Variants in ZGLP1 observed in about 807,000 individuals in gnomAD.
The protein encoded by ZGLP1 is zinc finger GATA like protein 1.
A neutral mutation model predicts 21.4 loss-of-function variants in ZGLP1; 11 were observed. The ratio of observed to expected loss-of-function variants is 0.51; its 90% confidence interval spans 0.32 to 0.85. The LOEUF (loss-of-function observed/expected upper bound fraction) is 0.85, where lower values mean the gene tolerates loss of function less well. ZGLP1 is among the 40% of genes least tolerant of loss of function. The pLI is 0.03. For synonymous variants in ZGLP1, 148 were observed against 145.0 expected (o/e 1.02, Z -0.15); for missense variants, 295 against 355.6 (o/e 0.83, Z 1.37).
exon 1 of ZGLP1, chr19:10,308,447 C>T (rs1226528301): frequency 6.2e-7 from 1 of 1,610,492 alleles, no homozygotes; most frequent in Non-Finnish European, 8.5e-7. Flanking sequence ...CAGCAAGGCC[C>T]CAGGACCGGG....
At chr19:10,308,705 A>G (rs1425399298) in exon 1 of ZGLP1, 1 of 1,472,994 alleles carries the variant, frequency 6.8e-7, no homozygotes, top group East Asian at 2.3e-5. Context: ...TGGAAGGTTT[A>G]AGAGTTGCAG....
In ZGLP1 at chr19:10,305,922, G is replaced by A; in HGVS notation, c.528C>T (p.Ser176=). 6.4e-7 allele frequency: 1 copy of A among 1,564,908 alleles called. No homozygotes were observed. The highest frequency in any genetic ancestry group is 8.7e-7 in the Non-Finnish European group (1 of 1,153,358). ...CAGGGCCCCCAACAGCATCTGCAGG[G>A]GATTCCTGAGAACGGCTACTGCAGG... The change falls in exon 2 of 4, where the codon TCC becomes TCT. Residue 176 remains serine, a synonymous_variant. Coordinates refer to ENST00000403903, the Ensembl canonical transcript of ZGLP1. This position sits in a 1 kb window ranked among gnomAD's most constrained non-coding sequence, Gnocchi z 4.7.
At position 10,305,342 on chromosome 19, in the gene ZGLP1, G is replaced by T; in HGVS notation, c.698+48C>A. 1 of 1,549,372 alleles carries T rather than the reference G, an allele frequency of 6.5e-7. No homozygotes were observed. On this transcript the variant is annotated intron_variant, in intron 3 of 3. Transcript: ENST00000403903. The surrounding 1 kb of genome is among the most constrained non-coding windows in gnomAD (Gnocchi z 4.7). ...CCACAGGCCATCCTGGTTACACGTG[G>T]ACTGATTTGGGGACCCCCGCCCCAA... is the stretch of plus-strand genomic sequence containing the variant.
intron 1 of ZGLP1, among the ~76,000 whole-genome samples, chr19:10,306,490 C>T (rs1338110346): frequency 2.0e-5 from 3 of 152,064 alleles, no homozygotes; most frequent in Non-Finnish European, 4.4e-5. Flanking sequence ...TCTCCATGTC[C>T]TTGCTGTGTG....
At chr19:10,306,333 G>A (rs185254437) in intron 1 of ZGLP1, among the ~76,000 whole-genome samples, 5 of 151,930 alleles carry the variant, frequency 3.3e-5, no homozygotes, top group African/African-American at 1.2e-4. Context: ...GGCTGGTCTC[G>A]AACTCCTGAC....
Position 10,305,089 on chromosome 19 carries a change from G to C in ZGLP1, c.*2C>G, listed in dbSNP as rs2040271664. 6.2e-7 allele frequency: 1 copy of C among 1,611,360 alleles called. No homozygotes were observed. On this transcript the variant is annotated 3_prime_UTR_variant, in exon 4 of 4. Transcript: ENST00000403903. The surrounding 1 kb of genome is among the most constrained non-coding windows in gnomAD (Gnocchi z 4.7). ...CAGCAGCTCAGCAGGGTGAAGCTGG[G>C]TTTAACCTTCCTGAATGGGGTCCAG...
Position 10,305,770 on chromosome 19 carries a change from G to A in ZGLP1, c.604+76C>T. Reference sequence around the variant, plus strand: ...ATGGGGAAGCAAGATGGAGAAGGGGGGGGCAGGGAGAAAGGCAGGGAAGAC... The same window carrying A: ...ATGGGGAAGCAAGATGGAGAAGGGGAGGGCAGGGAGAAAGGCAGGGAAGAC... On this transcript the variant is annotated intron_variant, in intron 2 of 3. Coordinates refer to ENST00000403903, the Ensembl canonical transcript of ZGLP1. The surrounding 1 kb of genome is among the most constrained non-coding windows in gnomAD (Gnocchi z 4.7). 8.4e-7 allele frequency: 1 copy of A among 1,196,000 alleles called. No individual in the cohort carries two copies. Among genetic ancestry groups the A allele is most frequent in the African/African-American group, 1.5e-5 (1 of 66,192 alleles). The allele number at this position is 1,196,000 out of a possible 1,614,324, so 74.1% of individuals were successfully genotyped here. A position where few individuals can be genotyped will look rare whatever the true frequency, so the allele number is the denominator to read the frequency against.
chr19:10,304,863 C>T (rs1158601038), exon 4 of ZGLP1: 8 of 567,384 alleles, frequency 1.4e-5, no homozygotes, highest in African/African-American at 3.8e-5. Flanking sequence ...TTCCTGAGAG[C>T]GTCTCCTGAG....
rs1244286153 is a variant in ZGLP1 at position 10,305,865 on chromosome 19, T to C, written c.585A>G (p.Ser195=). ...ACTCACCCAGGGCCTCGCTGCCTGC[T>C]GAGTGGGCCTCGGTGCCTCCTGGGT... is the stretch of plus-strand genomic sequence containing the variant. Residue 195 remains serine (S), a synonymous_variant, in exon 2 of 4, where the codon TCA becomes TCG. Coordinates refer to ENST00000403903, the Ensembl canonical transcript of ZGLP1. This position sits in a 1 kb window ranked among gnomAD's most constrained non-coding sequence, Gnocchi z 4.7. The C allele has an allele frequency of 2.6e-6, 4 of 1,557,548 alleles. No individual in the cohort carries two copies. Among genetic ancestry groups the C allele is most frequent in the South Asian group, 1.2e-5 (1 of 84,488 alleles).
At position 10,308,546 on chromosome 19, in the gene ZGLP1, G is replaced by A. The variant is rs370995709; in HGVS notation, c.136C>T (p.Leu46Phe). 2.5e-6 allele frequency: 4 copies of A among 1,603,564 alleles called. No homozygotes were observed. The African/African-American group carries it at 5.4e-5, about 21-fold the overall frequency. ...ACCGACTCCTGGCATGCAGGCCAGAGGGACCTGGGGAGAAGGGCAGTGGGG... is the reference window on the plus strand; with the variant it reads ...ACCGACTCCTGGCATGCAGGCCAGAAGGACCTGGGGAGAAGGGCAGTGGGG... The change falls in exon 1 of 4, where the codon CTC (leucine) becomes TTC (phenylalanine). Residue 46 changes from leucine (L) to phenylalanine (F), a missense_variant. By Grantham distance (22) the Leu-to-Phe change is conservative (BLOSUM62 0). Coordinates refer to ENST00000403903, the Ensembl canonical transcript of ZGLP1.
chr19:10,307,754 G>C (rs1050224879), intron 1 of ZGLP1, among the ~76,000 whole-genome samples: 1 of 151,906 alleles, frequency 6.6e-6, no homozygotes, highest in Non-Finnish European at 1.5e-5. Context: ...GACTTCAGGT[G>C]ATCTGCTCGC....
chr19:10,305,774 CAGGG>C lies in ZGLP1; in HGVS notation c.604+68_604+71del. 1.7e-5 allele frequency: 21 copies of C among 1,213,518 alleles called. No homozygotes were observed. Among genetic ancestry groups the C allele is most frequent in the Non-Finnish European group, 2.3e-5 (19 of 840,602 alleles). 75.2% of individuals were successfully genotyped at this position (1,213,518 alleles called of 1,614,324 possible). A position where few individuals can be genotyped will look rare whatever the true frequency, so the allele number is the denominator to read the frequency against. On this transcript the variant is annotated intron_variant, in intron 2 of 3. Coordinates refer to ENST00000403903, the Ensembl canonical transcript of ZGLP1. The surrounding 1 kb of genome is among the most constrained non-coding windows in gnomAD (Gnocchi z 4.7). The stretch of plus-strand genomic sequence containing the variant: ...GGAAGCAAGATGGAGAAGGGGGGGG[CAGGG>C]AGAAAGGCAGGGAAGACAGGAAATT...
chr19:10,306,031 A>T (rs1490345557), intron 1 of ZGLP1, 79 bp from the exon 3 acceptor site: 1 of 1,061,238 alleles, frequency 9.4e-7, no homozygotes, highest in Non-Finnish European at 1.4e-6. Flanking sequence ...AAGATTTAGT[A>T]TCAAGGTATC....
At chr19:10,307,731 A>T (rs2040287606) in intron 1 of ZGLP1, among the ~76,000 whole-genome samples, 1 of 151,700 alleles carries the variant, frequency 6.6e-6, no homozygotes, top group Non-Finnish European at 1.5e-5. Flanking sequence ...GGCCAGGCTG[A>T]TCTCAAACTC....
Position 10,305,032 on chromosome 19 carries a change from C to T in ZGLP1, c.*59G>A, listed in dbSNP as rs2040271410. The T allele has an allele frequency of 3.0e-6, 4 of 1,329,348 alleles. No homozygotes were observed. Among genetic ancestry groups the T allele is most frequent in the African/African-American group, 1.4e-5 (1 of 69,272 alleles). The allele number at this position is 1,329,348 out of a possible 1,614,324, so 82.3% of individuals were successfully genotyped here. On this transcript the variant is annotated 3_prime_UTR_variant, in exon 4 of 4. Transcript: ENST00000403903. This position sits in a 1 kb window ranked among gnomAD's most constrained non-coding sequence, Gnocchi z 4.7. ...ATCCTCCTAGGAGAGCTGCTTCTGCCCATTCTCCCACTGGTGAAACGGAGG... is the reference window on the plus strand; with the variant it reads ...ATCCTCCTAGGAGAGCTGCTTCTGCTCATTCTCCCACTGGTGAAACGGAGG...
At position 10,305,211 on chromosome 19, in the gene ZGLP1, A is replaced by G. The variant is rs1432045843; in HGVS notation, c.699-3T>C. On this transcript the variant is annotated splice_region_variant and splice_polypyrimidine_tract_variant and intron_variant, in intron 3 of 3. Transcript: ENST00000403903. This position sits in a 1 kb window ranked among gnomAD's most constrained non-coding sequence, Gnocchi z 4.7. ...AGCGAGTGCCGTATTTCTTGTACCT[A>G]GGGTTGGGGGACAAGAAACTGCCAT... 1.2e-6 allele frequency: 2 copies of G among 1,613,036 alleles called. No individual in the cohort carries two copies. Among genetic ancestry groups the G allele is most frequent in the Non-Finnish European group, 1.7e-6 (2 of 1,179,262 alleles).
chr19:10,306,095 TTAG>T (rs1355757703), intron 1 of ZGLP1, 143 bp from the exon 3 acceptor site: 5 of 418,448 alleles, frequency 1.2e-5, no homozygotes, highest in Non-Finnish European at 2.1e-5. Flanking sequence ...TTGCCTCTCA[TTAG>T]TAATATTATT....
chr19:10,308,377 G>A, exon 1 of ZGLP1: 1 of 1,608,226 alleles, frequency 6.2e-7, no homozygotes, highest in Non-Finnish European at 8.5e-7. Context: ...CCTGGTCTGT[G>A]TGTCCTTGGA....
exon 1 of ZGLP1, chr19:10,308,638 T>G: frequency 6.6e-7 from 1 of 1,526,232 alleles, no homozygotes; most frequent in South Asian, 1.3e-5. Flanking sequence ...CGGCTCTTTG[T>G]GTACCCTTGG....
Sources: gnomAD v4.1 joint callset for allele counts (sites outside exome capture counted in the v4.1 genomes callset) on GRCh38, gnomAD v4.1.1 for gene constraint, Gnocchi (gnomAD v3.1) non-coding constraint, MANE v1.5 for transcripts, NCBI Gene and HGNC (gene_info 2026-07-23, HGNC 2026-07-21) for gene names.